WDR38: variants seen among roughly 807,000 people sequenced by gnomAD.
WDR38 encodes the protein WD repeat-containing protein 38.
Under a neutral mutation model 36.6 loss-of-function variants are expected in WDR38, and 37 were observed. The observed-to-expected ratio is 1.01, with a 90% CI of 0.78 to 1.33. WDR38 has a LOEUF of 1.33. Among genes scored for constraint, WDR38 ranks in the 40% most tolerant of loss-of-function variants. WDR38 has a pLI of 0.00. For missense variants in WDR38, 411 were observed against 414.6 expected (o/e 0.99, Z 0.07); for synonymous variants, 164 against 168.1 (o/e 0.98, Z 0.19).
At chr9:124,856,629 G>A in intron 6 of WDR38, 29 bp downstream of exon 6, 2 of 1,613,004 alleles carry the variant, frequency 1.2e-6, no homozygotes, top group Non-Finnish European at 1.7e-6. Flanking sequence ...GTTCCAGGCT[G>A]GTCCCTTGCT....
intron 2 of WDR38, 99 bp from the exon 3 acceptor site, chr9:124,855,535 G>C: frequency 8.2e-7 from 1 of 1,225,434 alleles, no homozygotes; most frequent in South Asian, 1.4e-5. Flanking sequence ...TTGGGTGAGG[G>C]GAGGCTGGCG....
Position 124,856,320 on chromosome 9 carries a change from G to A in WDR38, c.486G>A (p.Leu162=), listed in dbSNP as rs1179937128. The A allele has an allele frequency of 5.6e-6, 9 of 1,614,174 alleles. No individual in the cohort carries two copies. The South Asian group carries it at 7.7e-5, about 14-fold the overall frequency. ...SSDFSPTVNC[L]ATGSWDSTVH... is the part of the protein sequence containing the mutation. ...ACTTCTCACCCACGGTGAACTGCCTGGTGAGCCTACCCTCTGCCCTGGGCC... is the reference window on the plus strand; with the variant it reads ...ACTTCTCACCCACGGTGAACTGCCTAGTGAGCCTACCCTCTGCCCTGGGCC... The change falls in exon 5 of 9, where the codon CTG becomes CTA. Residue 162 remains leucine, a splice_region_variant and synonymous_variant. Transcript: ENST00000373574.
At position 124,856,871 on chromosome 9, in the gene WDR38, A is replaced by G. The variant is rs893431605; in HGVS notation, c.758A>G (p.Tyr253Cys). The part of the protein sequence containing the change: ...PDELWLASAG[Y>C]SRMVKVWDCN... ...GAGCTGTGGCTGGCCAGCGCCGGCTATTCCCGCATGGTAACCACCCCGGGC... is the reference window on the plus strand; with the variant it reads ...GAGCTGTGGCTGGCCAGCGCCGGCTGTTCCCGCATGGTAACCACCCCGGGC... Residue 253 changes from tyrosine (Y) to cysteine (C), a missense_variant, in exon 7 of 9, where the codon TAT becomes TGT. Coordinates refer to ENST00000373574, the MANE Select transcript of WDR38 (RefSeq NM_001045476.3). 9.3e-6 allele frequency: 15 copies of G among 1,613,798 alleles called. No homozygotes were observed. The African/African-American group carries it at 9.3e-5, about 10-fold the overall frequency.
chr9:124,857,844 C>T lies in WDR38; in HGVS notation c.*214C>T. 1 of 1,584,366 alleles carries T rather than the reference C, an allele frequency of 6.3e-7. No individual in the cohort carries two copies. The highest frequency in any genetic ancestry group is 2.2e-5 in the East Asian group (1 of 44,546). ...TGGTCCCCAAAACCAGACCCACCCA[C>T]CTCCACCCAATCAGTGGAAGTGCCA... On this transcript the variant is annotated 3_prime_UTR_variant, in exon 9 of 9. Coordinates refer to ENST00000373574, the MANE Select transcript of WDR38 (RefSeq NM_001045476.3).
Position 124,856,751 on chromosome 9 carries a change from A to C in WDR38, c.638A>C (p.Lys213Thr). The change falls in exon 7 of 9, where the codon AAG becomes ACG. Residue 213 changes from lysine to threonine, a missense_variant. Physicochemically the swap from Lys to Thr is moderately conservative, Grantham distance 78 (BLOSUM62 -1). Transcript: ENST00000373574. Reference protein sequence around the residue: ...SGLLASGSWDKTIHIWKPTTS... With the variant: ...SGLLASGSWDTTIHIWKPTTS... ...GTCCAGGCATCCGGCTCCTGGGACA[A>C]GACCATCCACATCTGGAAGCCCACA... The C allele has an allele frequency of 6.2e-7, 1 of 1,614,208 alleles. No homozygotes were observed. Among genetic ancestry groups the C allele is most frequent in the Non-Finnish European group, 8.5e-7 (1 of 1,180,040 alleles).
At chr9:124,855,503 G>C in intron 2 of WDR38, 131 bp from the exon 3 acceptor site, 2 of 905,622 alleles carry the variant, frequency 2.2e-6, no homozygotes, top group South Asian at 1.6e-5. Flanking sequence ...TGGAAATCCA[G>C]GCATTTCTGG....
At position 124,856,736 on chromosome 9, in the gene WDR38, C is replaced by T; in HGVS notation, c.623C>T (p.Ser208Phe). ...TCAGAGCTGTCTGCTGTCCAGGCAT[C>T]CGGCTCCTGGGACAAGACCATCCAC... ...LCYSASGLLA[S>F]GSWDKTIHIW... Residue 208 changes from serine (S) to phenylalanine (F), a missense_variant, in exon 7 of 9, where the codon TCC (serine) becomes TTC (phenylalanine). Coordinates refer to ENST00000373574, the MANE Select transcript of WDR38 (RefSeq NM_001045476.3). 1 of 1,614,212 alleles carries T rather than the reference C, an allele frequency of 6.2e-7. No homozygotes were observed. Among genetic ancestry groups the T allele is most frequent in the South Asian group, 1.1e-5 (1 of 91,086 alleles).
rs370110373 is a variant in WDR38, at chr9:124,855,661, C to A, written c.218C>A (p.Pro73His). The change falls in exon 3 of 9, where the codon CCT (proline) becomes CAT (histidine). Residue 73 changes from proline (P) to histidine (H), a missense_variant. Pro to His is a moderately conservative substitution (Grantham distance 77). Coordinates refer to ENST00000373574, the MANE Select transcript of WDR38 (RefSeq NM_001045476.3). ...TGPVKFCRFSPDGHLFASASC... is the reference protein window; with the variant it reads ...TGPVKFCRFSHDGHLFASASC... ...CCCGTGAAGTTCTGCCGCTTCTCCC[C>A]TGATGGCCACCTCTTCGCCAGCGCC... is the stretch of plus-strand genomic sequence containing the variant. 1 of 1,611,476 alleles carries A rather than the reference C, an allele frequency of 6.2e-7. No homozygotes were observed.
Position 124,857,541 on chromosome 9 carries a change from G to T in WDR38, c.856G>T (p.Asp286Tyr), listed in dbSNP as rs1005577543. ...GGCCCACACCTGTGCCTTCACCCCAGATGGGAAAATCTTAGTGTCTGGAGC... is the reference window on the plus strand; with the variant it reads ...GGCCCACACCTGTGCCTTCACCCCATATGGGAAAATCTTAGTGTCTGGAGC... Reference protein sequence around the residue: ...DVAHTCAFTPDGKILVSGAAD... With the variant: ...DVAHTCAFTPYGKILVSGAAD... The change falls in exon 9 of 9, where the codon GAT (aspartate) becomes TAT (tyrosine). Residue 286 changes from aspartate to tyrosine, a missense_variant. Asp to Tyr is a radical substitution (Grantham distance 160, BLOSUM62 -3). Transcript: ENST00000373574. 2 of 1,614,054 alleles carry T rather than the reference G, an allele frequency of 1.2e-6. No individual in the cohort carries two copies. Among genetic ancestry groups the T allele is most frequent in the African/African-American group, 2.7e-5 (2 of 74,930 alleles).
At chr9:124,856,654 T>C in intron 6 of WDR38, 54 bp downstream of exon 6, 17 of 1,612,648 alleles carry the variant, frequency 1.1e-5, no homozygotes, top group Non-Finnish European at 1.4e-5. Flanking sequence ...GCCAGGCCCT[T>C]AAGGGTCCCA....
chr9:124,857,581 G>T lies in WDR38; in HGVS notation c.896G>T (p.Arg299Ile), dbSNP rs776828804. Residue 299 changes from arginine to isoleucine, a missense_variant, in exon 9 of 9, where the codon AGA becomes ATA. Arg to Ile is a moderately conservative substitution (Grantham distance 97, BLOSUM62 -3). Transcript: ENST00000373574. ...GTGTCTGGAGCTGCCGATCAGACTA[G>T]ACGTCAAATATCCCGCACGTCCAAA... ...ILVSGAADQT[R>I]RQISRTSKSP... is the part of the protein sequence containing the mutation. 8.1e-6 allele frequency: 13 copies of T among 1,614,156 alleles called. No individual in the cohort carries two copies. In the South Asian group the frequency reaches 1.4e-4, roughly 18 times the overall value.
In WDR38 at chr9:124,855,661, CT is replaced by C. The variant is rs1564304726; in HGVS notation, c.219del (p.Asp74MetfsTer28). ...CCCGTGAAGTTCTGCCGCTTCTCCC[CT>C]GATGGCCACCTCTTCGCCAGCGCCT... ...TGPVKFCRFS[P>X]DGHLFASASC... is the part of the protein sequence containing the mutation. On this transcript the variant is annotated frameshift_variant, in exon 3 of 9. Coordinates refer to ENST00000373574, the MANE Select transcript of WDR38 (RefSeq NM_001045476.3). LOFTEE classifies it high-confidence loss of function. The C allele has an allele frequency of 6.2e-7, 1 of 1,611,476 alleles. No homozygotes were observed. The highest frequency in any genetic ancestry group is 1.3e-5 in the African/African-American group (1 of 74,652).
Position 124,857,553 on chromosome 9 carries a change from T to C in WDR38, c.868T>C (p.Leu290=), listed in dbSNP as rs1408604884. 7 of 1,614,200 alleles carry C rather than the reference T, an allele frequency of 4.3e-6. No individual in the cohort carries two copies. Among genetic ancestry groups the C allele is most frequent in the Non-Finnish European group, 5.1e-6 (6 of 1,180,028 alleles). Residue 290 remains leucine, a synonymous_variant, in exon 9 of 9, where the codon TTA becomes CTA. Coordinates refer to ENST00000373574, the MANE Select transcript of WDR38 (RefSeq NM_001045476.3). ...TGCCTTCACCCCAGATGGGAAAATCTTAGTGTCTGGAGCTGCCGATCAGAC... is the reference window on the plus strand; with the variant it reads ...TGCCTTCACCCCAGATGGGAAAATCCTAGTGTCTGGAGCTGCCGATCAGAC... ...TCAFTPDGKI[L]VSGAADQTRR...
chr9:124,857,507 C>T lies in WDR38; in HGVS notation c.822C>T (p.Val274=). 6.2e-7 allele frequency: 1 copy of T among 1,614,140 alleles called. No homozygotes were observed. The highest frequency in any genetic ancestry group is 8.5e-7 in the Non-Finnish European group (1 of 1,180,014). ...TGKCLETLKG[V]LDVAHTCAFT... is the part of the protein sequence containing the mutation. Reference sequence around the variant, plus strand: ...CCACCTTCTACTCTTAGCAGGGAGTCCTGGATGTGGCCCACACCTGTGCCT... The same window carrying T: ...CCACCTTCTACTCTTAGCAGGGAGTTCTGGATGTGGCCCACACCTGTGCCT... Residue 274 remains valine (V), a synonymous_variant, in exon 9 of 9, where the codon GTC becomes GTT. Coordinates refer to ENST00000373574, the MANE Select transcript of WDR38 (RefSeq NM_001045476.3).
chr9:124,857,762 C>G lies in WDR38; in HGVS notation c.*132C>G. 2 of 1,514,306 alleles carry G rather than the reference C, an allele frequency of 1.3e-6. No individual in the cohort carries two copies. The highest frequency in any genetic ancestry group is 1.9e-5 in the Admixed American group (1 of 53,110). The allele number at this position is 1,514,306 out of a possible 1,614,324, so 93.8% of individuals were successfully genotyped here. ...TCCCCATGGCCAGGACTCTCCAGGC[C>G]CCACCAGAGCAGACAACTGTGGTGG... is the stretch of plus-strand genomic sequence containing the variant. On this transcript the variant is annotated 3_prime_UTR_variant, in exon 9 of 9. Transcript: ENST00000373574.
intron 1 of WDR38, 95 bp downstream of exon 1, chr9:124,853,695 G>A: frequency 1.0e-6 from 1 of 1,003,060 alleles, no homozygotes; most frequent in Non-Finnish European, 1.3e-6. Context: ...TCTCTGGGCA[G>A]TGGCTCAGGA....
rs889256341 is a variant in WDR38 at position 124,855,500 on chromosome 9, C to G, written c.191-134C>G. ...CCAGCCCAGGCCAAGGCATGGAAAT[C>G]CAGGCATTTCTGGGAAGCTGGAGTT... On this transcript the variant is annotated intron_variant, in intron 2 of 8. Coordinates refer to ENST00000373574, the MANE Select transcript of WDR38 (RefSeq NM_001045476.3). The G allele has an allele frequency of 9.0e-6, 8 of 885,824 alleles. No individual in the cohort carries two copies. The African/African-American group carries it at 1.3e-4, about 15-fold the overall frequency. 54.9% of individuals were successfully genotyped at this position (885,824 alleles called of 1,614,324 possible).
Position 124,856,810 on chromosome 9 carries a change from G to A in WDR38, c.697G>A (p.Val233Ile), listed in dbSNP as rs562849219. ...CCTGCTTATCCAACTGAAGGGCCAT[G>A]TCACCTGGGTGAAGAGCATAGCCTT... ...SSLLIQLKGH[V>I]TWVKSIAFSP... is the part of the protein sequence containing the mutation. The change falls in exon 7 of 9, where the codon GTC (valine) becomes ATC (isoleucine). Residue 233 changes from valine to isoleucine, a missense_variant. Transcript: ENST00000373574. The A allele has an allele frequency of 2.5e-6, 4 of 1,614,262 alleles. No individual in the cohort carries two copies. The Admixed American group carries it at 6.7e-5, about 27-fold the overall frequency.
At chr9:124,857,180 G>A (rs1340486600) in intron 7 of WDR38, among the ~76,000 whole-genome samples, 184 bp from the exon 8 acceptor site, 1 of 152,170 alleles carries the variant, frequency 6.6e-6, no homozygotes, top group Non-Finnish European at 1.5e-5. Flanking sequence ...ATGTTTTTTG[G>A]GCCGGGGGCG....
Sources: gnomAD v4.1 joint callset for allele counts (sites outside exome capture counted in the v4.1 genomes callset) on GRCh38, gnomAD v4.1.1 for gene constraint, MANE v1.5 for transcripts, NCBI Gene and HGNC (gene_info 2026-07-23, HGNC 2026-07-21) for gene names.